MALRD1: variants seen among roughly 807,000 people sequenced by gnomAD.
MALRD1 encodes the protein MAM and LDL-receptor class A domain-containing protein 1.
Under a neutral mutation model 242.1 loss-of-function variants are expected in MALRD1, and 247 were observed. The ratio of observed to expected loss-of-function variants is 1.02; its 90% confidence interval spans 0.92 to 1.13. The LOEUF (loss-of-function observed/expected upper bound fraction) is 1.13. Among genes scored for constraint, MALRD1 ranks in the 50% most tolerant of loss-of-function variants. The probability of loss-of-function intolerance (pLI) is 0.00; values close to 1 mark genes in which losing one functional copy is unlikely to be tolerated. For synonymous variants in MALRD1, 995 were observed against 866.6 expected, an observed-to-expected ratio of 1.15 and a Z score of -2.60; for missense variants, 2,989 against 2,533.1, an observed-to-expected ratio of 1.18 and a Z score of -3.86.
intron 26 of MALRD1, among the ~76,000 whole-genome samples, chr10:19,354,248 A>G (rs1041851074): frequency 6.6e-6 from 1 of 152,188 alleles, no homozygotes; most frequent in Non-Finnish European, 1.5e-5. Context: ...AAGGGCACAG[A>G]TGAATCATAC....
intron 36 of MALRD1, among the ~76,000 whole-genome samples, chr10:19,622,035 A>T (rs1056418712): frequency 6.6e-6 from 1 of 151,844 alleles, no homozygotes; most frequent in African/African-American, 2.4e-5. Context: ...TAAAGTCTAT[A>T]TTCCCTATTC....
At chr10:19,511,594 A>G (rs986918239) in intron 31 of MALRD1, among the ~76,000 whole-genome samples, 2 of 152,212 alleles carry the variant, frequency 1.3e-5, no homozygotes, top group East Asian at 1.9e-4. Flanking sequence ...AGCTTTAAAC[A>G]AGGAATATGA....
At position 19,484,290 on chromosome 10, in the gene MALRD1, A is replaced by C. The variant is rs559242564; in HGVS notation, c.5030-7227A>C. 2.0e-5 allele frequency among the ~76,000 whole-genome samples: 3 copies of C among 152,296 alleles called. No homozygotes were observed. The East Asian group carries it at 5.8e-4, about 29-fold the overall frequency. ...AATCTAAAATAAAATTGAAATTATAAAAATAAGAAAAGTTTTCTAGCTACT... is the reference window on the plus strand; with the variant it reads ...AATCTAAAATAAAATTGAAATTATACAAATAAGAAAAGTTTTCTAGCTACT... On this transcript the variant is annotated intron_variant, in intron 29 of 39. Coordinates refer to ENST00000454679, the MANE Select transcript of MALRD1 (RefSeq NM_001142308.3).
chr10:19,411,303 G>A (rs748382134), intron 28 of MALRD1, among the ~76,000 whole-genome samples: 23 of 152,136 alleles, frequency 1.5e-4, no homozygotes, highest in Non-Finnish European at 3.1e-4. Flanking sequence ...CATATGCTTA[G>A]TTCCAAAAAC....
At chr10:19,543,427 T>TCAG in intron 32 of MALRD1, among the ~76,000 whole-genome samples, 1 of 126,828 alleles carries the variant, frequency 7.9e-6, no homozygotes, top group African/African-American at 3.3e-5. Context: ...CATGCCCAGC[T>TCAG]GATTTCTTTT....
At chr10:19,067,056 A>G (rs1247867643) in intron 2 of MALRD1, among the ~76,000 whole-genome samples, 197 bp downstream of exon 2, 2 of 152,180 alleles carry the variant, frequency 1.3e-5, no homozygotes, top group African/African-American at 4.8e-5. Flanking sequence ...ACCAGTTTCA[A>G]AATATTTATG....
chr10:19,564,824 C>T (rs1836180204), intron 32 of MALRD1, among the ~76,000 whole-genome samples: 2 of 151,988 alleles, frequency 1.3e-5, no homozygotes, highest in Admixed American at 1.3e-4. Context: ...AGAGTTATCA[C>T]AAAGACACCC....
At chr10:19,447,309 C>A (rs1179023684) in intron 28 of MALRD1, among the ~76,000 whole-genome samples, 1 of 152,048 alleles carries the variant, frequency 6.6e-6, no homozygotes, top group Non-Finnish European at 1.5e-5. Flanking sequence ...ACCTCCATTC[C>A]ACATTTAGAT....
At chr10:19,370,093 G>C (rs1041246300) in intron 26 of MALRD1, among the ~76,000 whole-genome samples, 5 of 152,172 alleles carry the variant, frequency 3.3e-5, no homozygotes, top group South Asian at 2.1e-4. Flanking sequence ...TGGTGTTCCA[G>C]CGTCATTTGT....
At chr10:19,191,760 G>A (rs1290778795) in intron 14 of MALRD1, among the ~76,000 whole-genome samples, 2 of 152,176 alleles carry the variant, frequency 1.3e-5, no homozygotes, top group Non-Finnish European at 2.9e-5. Context: ...CACTTTGGGA[G>A]GCTGAGGTAG....
intron 29 of MALRD1, among the ~76,000 whole-genome samples, chr10:19,458,146 A>G (rs1051081211): frequency 1.3e-5 from 2 of 152,178 alleles, no homozygotes; most frequent in Admixed American, 6.6e-5. Flanking sequence ...TACTCTTTAT[A>G]GAAGAATCCA....
intron 32 of MALRD1, among the ~76,000 whole-genome samples, chr10:19,543,233 A>G (rs1835056190): frequency 6.6e-6 from 1 of 151,768 alleles, no homozygotes; most frequent in Admixed American, 6.6e-5. Flanking sequence ...TACAGATGTA[A>G]AAATCATGCC....
chr10:19,504,743 C>T (rs1167915336), intron 31 of MALRD1, among the ~76,000 whole-genome samples: 8 of 132,106 alleles, frequency 6.1e-5, no homozygotes, highest in Admixed American at 4.5e-4. Context: ...ACTGCAGTGG[C>T]GCAATCTCGG....
At chr10:19,547,814 A>G (rs866506827) in intron 32 of MALRD1, among the ~76,000 whole-genome samples, 2 of 13,910 alleles carry the variant, frequency 1.4e-4, no homozygotes, top group South Asian at 3.4e-3. Flanking sequence ...ATATATATAT[A>G]TATATTTTTT....
At chr10:19,216,119 C>CTTTTTTTTTTTTTT (rs753559077) in intron 18 of MALRD1, among the ~76,000 whole-genome samples, 3 of 122,814 alleles carry the variant, frequency 2.4e-5, no homozygotes, top group Non-Finnish European at 3.2e-5. Context: ...TTCTTTCTTT[C>CTTTTTTTTTTTTTT]TTTTTTTTTT....
chr10:19,403,848 C>A (rs1846973485), intron 28 of MALRD1, among the ~76,000 whole-genome samples: 1 of 152,024 alleles, frequency 6.6e-6, no homozygotes, highest in Admixed American at 6.6e-5. Context: ...AGAAAATCCC[C>A]AAATTATAAG....
intron 14 of MALRD1, among the ~76,000 whole-genome samples, chr10:19,191,411 G>A (rs1835969335): frequency 6.6e-6 from 1 of 152,162 alleles, no homozygotes; most frequent in African/African-American, 2.4e-5. Flanking sequence ...AAATGGCATA[G>A]CTACTGTGGA....
intron 36 of MALRD1, among the ~76,000 whole-genome samples, chr10:19,662,754 G>A (rs1333606882): frequency 6.6e-6 from 1 of 152,018 alleles, no homozygotes; most frequent in African/African-American, 2.4e-5. Flanking sequence ...GGGTGACTTG[G>A]CCTATCACCC....
intron 32 of MALRD1, among the ~76,000 whole-genome samples, chr10:19,557,842 A>T (rs901996645): frequency 8.5e-5 from 13 of 152,082 alleles, no homozygotes; most frequent in Non-Finnish European, 1.8e-4. Context: ...GATTGATTGA[A>T]TCTATAAATT....
Sources: gnomAD v4.1 joint callset for allele counts (sites outside exome capture counted in the v4.1 genomes callset) on GRCh38, gnomAD v4.1.1 for gene constraint, MANE v1.5 for transcripts, NCBI Gene and HGNC (gene_info 2026-07-23, HGNC 2026-07-21) for gene names.